Variants in ZC3H7A observed in about 807,000 individuals in gnomAD.
ZC3H7A encodes zinc finger CCCH domain-containing protein 7A.
A neutral mutation model predicts 125.5 loss-of-function variants in ZC3H7A; 44 were observed. That is an observed-to-expected ratio of 0.35 (90% CI 0.28 to 0.45). The LOEUF is 0.45. Among genes scored for constraint, ZC3H7A ranks in the 20% least tolerant of loss-of-function variants. The probability of loss-of-function intolerance (pLI) is 1.00; values close to 1 mark genes in which losing one functional copy is unlikely to be tolerated. For missense variants in ZC3H7A, 977 were observed against 1,170.7 expected, an observed-to-expected ratio of 0.83 and a Z score of 2.41; for synonymous variants, 399 against 391.2, an observed-to-expected ratio of 1.02 and a Z score of -0.23.
chr16:11,775,526 T>C (rs954506627), intron 7 of ZC3H7A: 1 of 152,412 alleles, frequency 6.6e-6, no homozygotes, highest in African/African-American at 2.4e-5. Context: ...CTAGCAGTGC[T>C]GCCACTTATT....
In ZC3H7A at chr16:11,751,272, T is replaced by C; in HGVS notation, c.*45A>G. On this transcript the variant is annotated 3_prime_UTR_variant, in exon 23 of 23. Coordinates refer to ENST00000355758, the MANE Select transcript of ZC3H7A (RefSeq NM_014153.4). Reference sequence around the variant, plus strand: ...TGTGCCTCAGAACACTTTCAATTTTTCTGGTCAATGCTCTGATTAGGTATC... The same window carrying C: ...TGTGCCTCAGAACACTTTCAATTTTCCTGGTCAATGCTCTGATTAGGTATC... 6.5e-7 allele frequency: 1 copy of C among 1,545,766 alleles called. No individual in the cohort carries two copies.
intron 12 of ZC3H7A, among the ~76,000 whole-genome samples, chr16:11,767,848 T>C (rs890836625): frequency 5.3e-5 from 8 of 152,218 alleles, no homozygotes; most frequent in Non-Finnish European, 8.8e-5. Context: ...GAGAGGAATT[T>C]TGATGGCTTA....
intron 1 of ZC3H7A, among the ~76,000 whole-genome samples, chr16:11,791,088 AACACACACACACAC>A (rs34972921): frequency 3.0e-4 from 41 of 136,114 alleles, no homozygotes; most frequent in South Asian, 1.5e-3. Flanking sequence ...AAATTTTTAA[AACACACACACACAC>A]ACACACACAC....
At chr16:11,756,175 G>C in intron 21 of ZC3H7A, 62 bp downstream of exon 21, 1 of 1,558,760 alleles carries the variant, frequency 6.4e-7, no homozygotes, top group Non-Finnish European at 8.6e-7. Flanking sequence ...AAAAAGAAAA[G>C]GGAAAAGAAA....
chr16:11,794,776 T>C (rs1211641832), intron 1 of ZC3H7A, among the ~76,000 whole-genome samples: 1 of 152,220 alleles, frequency 6.6e-6, no homozygotes, highest in Non-Finnish European at 1.5e-5. Flanking sequence ...CAATGACAAT[T>C]TAACCCACCC....
At chr16:11,777,091 A>C (rs2053093498) in intron 4 of ZC3H7A, among the ~76,000 whole-genome samples, 182 bp from the exon 5 acceptor site, 1 of 152,222 alleles carries the variant, frequency 6.6e-6, no homozygotes, top group South Asian at 2.1e-4. Flanking sequence ...AAAAAGTAGA[A>C]AGAATATCAT....
intron 21 of ZC3H7A, chr16:11,753,100 A>C (rs553006849): frequency 1.0e-4 from 41 of 390,932 alleles, no homozygotes; most frequent in African/African-American, 8.0e-4. Context: ...CTGGGAGAAC[A>C]AGAGGCAGGT....
At chr16:11,779,131 A>G in intron 4 of ZC3H7A, 35 bp downstream of exon 4, 1 of 1,511,192 alleles carries the variant, frequency 6.6e-7, no homozygotes, top group Non-Finnish European at 9.0e-7. Flanking sequence ...AATTCTTTTC[A>G]CTCTAGAAAC....
intron 20 of ZC3H7A, among the ~76,000 whole-genome samples, chr16:11,756,963 C>G (rs1374615532): frequency 1.4e-5 from 2 of 148,078 alleles, no homozygotes; most frequent in African/African-American, 5.1e-5. Flanking sequence ...ATGGTAAGAA[C>G]AGGTGTATTC....
In ZC3H7A at chr16:11,776,772, C is replaced by T. The variant is rs1460156967; in HGVS notation, c.444G>A (p.Lys148=). ...RYKKAYDAVA[K]CSLAVPQDEH... ...ATACCTGAGGCACTGCTAAGGAGCA[C>T]TTTGCTACAGCATCGTAAGCCTTTT... Residue 148 remains lysine (K), a synonymous_variant, in exon 5 of 23, where the codon AAG becomes AAA. Coordinates refer to ENST00000355758, the MANE Select transcript of ZC3H7A (RefSeq NM_014153.4). 6.2e-7 allele frequency: 1 copy of T among 1,611,032 alleles called. No individual in the cohort carries two copies. The highest frequency in any genetic ancestry group is 1.3e-5 in the African/African-American group (1 of 74,764).
chr16:11,771,064 A>T (rs892076547), intron 9 of ZC3H7A, 77 bp from the exon 10 acceptor site: 67 of 1,358,234 alleles, frequency 4.9e-5, no homozygotes, highest in Non-Finnish European at 6.7e-5. Flanking sequence ...AACACCAGCA[A>T]ATAAAAGCAT....
chr16:11,771,963 G>A (rs939632925), intron 9 of ZC3H7A, among the ~76,000 whole-genome samples: 3 of 152,056 alleles, frequency 2.0e-5, no homozygotes, highest in Non-Finnish European at 4.4e-5. Flanking sequence ...GGGAGGATGA[G>A]GTGGGTGGAT....
Position 11,779,345 on chromosome 16 carries a change from C to G in ZC3H7A, c.127G>C (p.Val43Leu). 2 of 1,613,410 alleles carry G rather than the reference C, an allele frequency of 1.2e-6. No homozygotes were observed. Among genetic ancestry groups the G allele is most frequent in the Non-Finnish European group, 1.7e-6 (2 of 1,179,836 alleles). ...EQYAVYLRALVRNLFNEGNDV... is the reference protein window; with the variant it reads ...EQYAVYLRALLRNLFNEGNDV... ...TTTCCTTCATTAAAAAGATTTCTCA[C>G]GAGAGCACGCAAATATACCTAAAAA... Residue 43 changes from valine to leucine, a missense_variant, in exon 4 of 23, where the codon GTG becomes CTG. By Grantham distance (32) the Val-to-Leu change is conservative (BLOSUM62 1). Coordinates refer to ENST00000355758, the MANE Select transcript of ZC3H7A (RefSeq NM_014153.4).
At chr16:11,790,221 G>C (rs139784330) in intron 1 of ZC3H7A, among the ~76,000 whole-genome samples, 3 of 152,158 alleles carry the variant, frequency 2.0e-5, no homozygotes, top group African/African-American at 7.2e-5. Flanking sequence ...CTTCACCCAG[G>C]CATCAAATGT....
Position 11,762,997 on chromosome 16 carries a change from T to C in ZC3H7A, c.2003-250A>G, listed in dbSNP as rs998884358. 50 of 402,846 alleles carry C rather than the reference T, an allele frequency of 1.2e-4. 1 individual carries two copies. The highest frequency in any genetic ancestry group is 1.8e-4 in the Non-Finnish European group (41 of 225,376). The allele number at this position is 402,846 out of a possible 1,614,324, so 25.0% of individuals were successfully genotyped here. On this transcript the variant is annotated intron_variant, in intron 16 of 22. Transcript: ENST00000355758. ...CAACTTGTATCAGTAATTAATGACA[T>C]GAGAACACACTCAAAATAGGCAACT... is the stretch of plus-strand genomic sequence containing the variant.
chr16:11,761,388 T>G lies in ZC3H7A; in HGVS notation c.2319+18A>C, dbSNP rs746988201. ...AATGCCTAATTTAAAAAAAGTGGCT[T>G]AAAAATTACGTATGTACATCAAACT... On this transcript the variant is annotated intron_variant, in intron 19 of 22. Transcript: ENST00000355758. 6.2e-7 allele frequency: 1 copy of G among 1,610,234 alleles called. No homozygotes were observed. The highest frequency in any genetic ancestry group is 1.3e-5 in the African/African-American group (1 of 74,816).
At chr16:11,781,101 GA>G (rs1189581317) in intron 3 of ZC3H7A, among the ~76,000 whole-genome samples, 5 of 150,844 alleles carry the variant, frequency 3.3e-5, no homozygotes, top group Admixed American at 2.6e-4. Context: ...AAAAGAAAAA[GA>G]AAAAAAAAGT....
intron 1 of ZC3H7A, among the ~76,000 whole-genome samples, chr16:11,795,959 A>AG (rs2141227954): frequency 6.6e-6 from 1 of 151,790 alleles, no homozygotes; most frequent in South Asian, 2.1e-4. Context: ...CAGCTTCCCG[A>AG]GTAGCTGACT....
chr16:11,793,310 A>G (rs2053381912), intron 1 of ZC3H7A, among the ~76,000 whole-genome samples: 1 of 152,088 alleles, frequency 6.6e-6, no homozygotes, highest in African/African-American at 2.4e-5. Context: ...AGGTGGGAGG[A>G]TCGCTTCAGG....
Sources: gnomAD v4.1 joint callset for allele counts (sites outside exome capture counted in the v4.1 genomes callset) on GRCh38, gnomAD v4.1.1 for gene constraint, MANE v1.5 for transcripts, NCBI Gene and HGNC (gene_info 2026-07-23, HGNC 2026-07-21) for gene names.